ATP11B: variants seen among roughly 807,000 people sequenced by gnomAD.
The protein encoded by ATP11B is ATPase phospholipid transporting 11B (putative).
In ATP11B, 81 loss-of-function variants were observed where a neutral mutation model predicts 157.8. That is an observed-to-expected ratio of 0.51 (90% CI 0.43 to 0.62). The LOEUF (loss-of-function observed/expected upper bound fraction) is 0.62. Among genes scored for constraint, ATP11B ranks in the 20% least tolerant of loss-of-function variants. The pLI, the probability that ATP11B is intolerant of heterozygous loss-of-function variation, is 0.00. For synonymous variants in ATP11B, 451 were observed against 469.4 expected (o/e 0.96, Z 0.51); for missense variants, 1,165 against 1,402.2 (o/e 0.83, Z 2.70).
Position 182,851,058 on chromosome 3 carries a change from T to G in ATP11B, c.851+2501T>G, listed in dbSNP as rs550831463. Among the ~76,000 whole-genome samples the G allele has an allele frequency of 7.9e-5, 12 of 152,216 alleles. No homozygotes were observed. The South Asian group carries it at 2.1e-3, about 26-fold the overall frequency. ...CCGTAATCCCAGCACTTTGGGAGGC[T>G]GAGGTGGGTGGATCACTTGAAGTCA... On this transcript the variant is annotated intron_variant, in intron 10 of 29. Transcript: ENST00000323116.
In ATP11B at chr3:182,889,529, C is replaced by G; in HGVS notation, c.2963C>G (p.Ser988Cys). 4 of 1,557,094 alleles carry G rather than the reference C, an allele frequency of 2.6e-6. No individual in the cohort carries two copies. Among genetic ancestry groups the G allele is most frequent in the Non-Finnish European group, 3.4e-6 (4 of 1,161,196 alleles). The change falls in exon 25 of 30, where the codon TCT (serine) becomes TGT (cysteine). Residue 988 changes from serine (S) to cysteine (C), a missense_variant. Ser to Cys is a moderately radical substitution (Grantham distance 112). Coordinates refer to ENST00000323116, the MANE Select transcript of ATP11B (RefSeq NM_014616.3). ...GSYLLIGKDT[S>C]LLGNGQMFGN... The stretch of plus-strand genomic sequence containing the variant: ...TATTTACTAATAGGGAAAGATACAT[C>G]TCTGCTTGGAAATGGCCAGGTAAAG...
chr3:182,917,817 T>C (rs1008104650), intron 29 of ATP11B: 2 of 983,178 alleles, frequency 2.0e-6, no homozygotes, highest in Non-Finnish European at 2.4e-6. Context: ...TATTTTTATA[T>C]GATGACTAGA....
Position 182,896,714 on chromosome 3 carries a change from GA to G in ATP11B, c.2998del (p.Thr1000HisfsTer16). 1 of 1,612,712 alleles carries G rather than the reference GA, an allele frequency of 6.2e-7. No individual in the cohort carries two copies. The highest frequency in any genetic ancestry group is 8.5e-7 in the Non-Finnish European group (1 of 1,178,998). On this transcript the variant is annotated frameshift_variant, in exon 26 of 30. Transcript: ENST00000323116. LOFTEE classifies it high-confidence loss of function. Reference protein sequence around the residue: ...LGNGQMFGNWTFGTLVFTVMV... With the variant: ...LGNGQMFGNWXFGTLVFTVMV... ...TTTCTGTTTAGATGTTTGGAAACTG[GA>G]CATTTGGCACTTTGGTCTTCACAGT...
At chr3:182,849,451 G>A (rs1179235501) in intron 10 of ATP11B, among the ~76,000 whole-genome samples, 6 of 152,156 alleles carry the variant, frequency 3.9e-5, no homozygotes, top group Non-Finnish European at 8.8e-5. Flanking sequence ...AATAGAAACT[G>A]TCTCCAAAAT....
At chr3:182,878,608 C>G (rs929336607) in intron 19 of ATP11B, among the ~76,000 whole-genome samples, 1 of 152,140 alleles carries the variant, frequency 6.6e-6, no homozygotes, top group African/African-American at 2.4e-5. Context: ...AATAGTTTGC[C>G]CACTTTCCAG....
At position 182,836,132 on chromosome 3, in the gene ATP11B, A is replaced by G. The variant is rs61741000; in HGVS notation, c.413A>G (p.Lys138Arg). Residue 138 changes from lysine (K) to arginine (R), a missense_variant, in exon 5 of 30, where the codon AAA becomes AGA. By Grantham distance (26) the Lys-to-Arg change is conservative. Transcript: ENST00000323116. Reference sequence around the variant, plus strand: ...GGTGGCCTTGTAAAAACTAGATCAAAAAACATTCGGGTATGCATCTGGTAA... The same window carrying G: ...GGTGGCCTTGTAAAAACTAGATCAAGAAACATTCGGGTATGCATCTGGTAA... ...RSGGLVKTRS[K>R]NIRVGDIVRI... 1,480 of 1,612,980 alleles carry G rather than the reference A, an allele frequency of 9.2e-4. 2 individuals carry two copies. The highest frequency in any genetic ancestry group is 4.1e-3 in the Middle Eastern group (25 of 6,048).
Position 182,862,292 on chromosome 3 carries a change from C to A in ATP11B, c.1200+2933C>A, listed in dbSNP as rs13088841. ...TGAAACCCTGTCTAAAAAAAAAAAA[C>A]AAAAAAAACCTCAGGCACTAATATG... On this transcript the variant is annotated intron_variant, in intron 12 of 29. Coordinates refer to ENST00000323116, the MANE Select transcript of ATP11B (RefSeq NM_014616.3). 2.0e-3 allele frequency among the ~76,000 whole-genome samples: 304 copies of A among 149,394 alleles called. 3 individuals carry two copies. The highest frequency in any genetic ancestry group is 0.01 in the Middle Eastern group (3 of 292).
chr3:182,804,355 C>T (rs1716190870), intron 1 of ATP11B, among the ~76,000 whole-genome samples: 1 of 151,780 alleles, frequency 6.6e-6, no homozygotes, highest in African/African-American at 2.4e-5. Flanking sequence ...AGGCCATTCT[C>T]CTACCTCAGC....
chr3:182,803,012 T>C (rs1716106626), intron 1 of ATP11B, among the ~76,000 whole-genome samples: 1 of 152,216 alleles, frequency 6.6e-6, no homozygotes, highest in African/African-American at 2.4e-5. Context: ...TCTTTTTTTC[T>C]AATGTATATT....
chr3:182,835,056 T>G (rs13086594), intron 4 of ATP11B, among the ~76,000 whole-genome samples: 6 of 152,144 alleles, frequency 3.9e-5, no homozygotes, highest in Non-Finnish European at 7.4e-5. Flanking sequence ...TTTAGGGTCT[T>G]CATCCTTGTC....
chr3:182,908,647 A>C (rs1724557811), intron 28 of ATP11B: 1 of 152,202 alleles, frequency 6.6e-6, no homozygotes, highest in Non-Finnish European at 1.5e-5. Context: ...AGTGAATATG[A>C]GCTTGAAGAA....
At chr3:182,866,513 CAT>C (rs1341801037) in intron 14 of ATP11B, 70 bp downstream of exon 14, 1 of 1,276,206 alleles carries the variant, frequency 7.8e-7, no homozygotes, top group African/African-American at 1.5e-5. Context: ...TTAGAATCAT[CAT>C]TTAAAATTTT....
Position 182,879,661 on chromosome 3 carries a change from TG to T in ATP11B, c.2406+13del, listed in dbSNP as rs1560108600. ...TGCAGAAAGCAAAAGTATGTATATATGTTATAAAAAAGTCCCATAAAGCTAT... is the reference window on the plus strand; with the variant it reads ...TGCAGAAAGCAAAAGTATGTATATATTTATAAAAAAGTCCCATAAAGCTAT... On this transcript the variant is annotated intron_variant, in intron 20 of 29. Transcript: ENST00000323116. 6.3e-7 allele frequency: 1 copy of T among 1,591,206 alleles called. No individual in the cohort carries two copies. Among genetic ancestry groups the T allele is most frequent in the Non-Finnish European group, 8.5e-7 (1 of 1,171,642 alleles).
intron 19 of ATP11B, among the ~76,000 whole-genome samples, chr3:182,875,947 T>C (rs1399075947): frequency 1.3e-5 from 2 of 152,196 alleles, no homozygotes; most frequent in African/African-American, 2.4e-5. Flanking sequence ...ATATATGCCT[T>C]TTTAAATATT....
Position 182,872,508 on chromosome 3 carries a change from A to G in ATP11B, c.2019A>G (p.Ile673Met), listed in dbSNP as rs1721738901. The G allele has an allele frequency of 2.5e-6, 4 of 1,613,570 alleles. No individual in the cohort carries two copies. The South Asian group carries it at 4.4e-5, about 18-fold the overall frequency. The change falls in exon 18 of 30, where the codon ATA (isoleucine) becomes ATG (methionine). Residue 673 changes from isoleucine to methionine, a missense_variant. This residue lies in a region of ATP11B where 737 missense variants were observed against 930.5 expected (regional missense o/e 0.79). Coordinates refer to ENST00000323116, the MANE Select transcript of ATP11B (RefSeq NM_014616.3). Reference sequence around the variant, plus strand: ...TCCAGTTCATAGAGAAAGACCTGATATTACTTGGAGCCACAGCAGTAGAAG... The same window carrying G: ...TCCAGTTCATAGAGAAAGACCTGATGTTACTTGGAGCCACAGCAGTAGAAG... The part of the protein sequence containing the change: ...AVFQFIEKDL[I>M]LLGATAVEDR...
At chr3:182,904,372 G>A (rs1005817055) in intron 28 of ATP11B, among the ~76,000 whole-genome samples, 1 of 152,184 alleles carries the variant, frequency 6.6e-6, no homozygotes, top group African/African-American at 2.4e-5. Context: ...CCACTAGGTG[G>A]GCATTTGTTC....
At chr3:182,917,983 G>A (rs749710457) in intron 29 of ATP11B, 40 bp from the exon 30 acceptor site, 1 of 1,604,478 alleles carries the variant, frequency 6.2e-7, no homozygotes, top group Non-Finnish European at 8.5e-7. Context: ...TTAAAACATA[G>A]GTCCTGGTGA....
chr3:182,871,977 G>A (rs779432567), intron 17 of ATP11B, among the ~76,000 whole-genome samples: 1 of 151,960 alleles, frequency 6.6e-6, no homozygotes, highest in Admixed American at 6.6e-5. Context: ...CACTATGCCC[G>A]CCCAATTTTT....
chr3:182,912,250 G>A lies in ATP11B; in HGVS notation c.3319-1611G>A, dbSNP rs944440398. Among the ~76,000 whole-genome samples, 5 of 152,080 alleles carry A rather than the reference G, an allele frequency of 3.3e-5. No homozygotes were observed. In the East Asian group the frequency reaches 9.6e-4, roughly 29 times the overall value. On this transcript the variant is annotated intron_variant, in intron 28 of 29. Coordinates refer to ENST00000323116, the MANE Select transcript of ATP11B (RefSeq NM_014616.3). ...TCCTCTGAATATGAATGATCCTCCT[G>A]GTGTTGCTTAATATTTGCTGGTTGG...
Sources: gnomAD v4.1 joint callset for allele counts (sites outside exome capture counted in the v4.1 genomes callset) on GRCh38, gnomAD v4.1.1 for gene constraint, gnomAD v4.1.1 regional missense constraint, MANE v1.5 for transcripts, NCBI Gene and HGNC (gene_info 2026-07-23, HGNC 2026-07-21) for gene names.